PARD3B: variants seen among roughly 807,000 people sequenced by gnomAD.
PARD3B encodes the protein par-3 family cell polarity regulator beta, also known as partitioning defective 3 homolog B.
Under a neutral mutation model 130.2 loss-of-function variants are expected in PARD3B, and 103 were observed. The observed-to-expected ratio is 0.79, with a 90% CI of 0.67 to 0.93. PARD3B has a LOEUF of 0.93. PARD3B is among the 40% of genes least tolerant of loss of function. PARD3B has a pLI of 0.00. For synonymous variants in PARD3B, 583 were observed against 553.2 expected (o/e 1.05, Z -0.76); for missense variants, 1,609 against 1,499.2 (o/e 1.07, Z -1.21).
In PARD3B at chr2:204,894,355, A is replaced by G. The variant is rs547231283; in HGVS notation, c.223-70797A>G. 9.9e-5 allele frequency among the ~76,000 whole-genome samples: 15 copies of G among 152,252 alleles called. No individual in the cohort carries two copies. The East Asian group carries it at 2.7e-3, about 27-fold the overall frequency. On this transcript the variant is annotated intron_variant, in intron 2 of 22. Coordinates refer to ENST00000406610, the MANE Select transcript of PARD3B (RefSeq NM_001302769.2). ...GAGGTGAGGAAAAAACAGAAAAAGG[A>G]CTATAAACCAGGGCTGGAATATGTT... is the stretch of plus-strand genomic sequence containing the variant.
chr2:204,584,274 C>T (rs1341457043), intron 1 of PARD3B, among the ~76,000 whole-genome samples: 1 of 152,102 alleles, frequency 6.6e-6, no homozygotes, highest in Non-Finnish European at 1.5e-5. Context: ...TATGGTATGA[C>T]TTGACAGTCT....
intron 1 of PARD3B, among the ~76,000 whole-genome samples, chr2:204,587,281 C>G (rs1301312649): frequency 6.6e-6 from 1 of 152,128 alleles, no homozygotes; most frequent in Non-Finnish European, 1.5e-5. Context: ...AGATAAAGAA[C>G]TATTTTATGG....
chr2:205,401,237 G>A (rs758912522), intron 19 of PARD3B, 114 bp downstream of exon 19: 49 of 755,230 alleles, frequency 6.5e-5, no homozygotes, highest in Admixed American at 1.6e-4. Context: ...GGGGTTGACC[G>A]ATCTGAAAGG....
chr2:204,733,765 G>A (rs60899945), intron 2 of PARD3B, among the ~76,000 whole-genome samples: 2,090 of 152,036 alleles, frequency 0.014, 50 homozygotes, highest in African/African-American at 0.048. Flanking sequence ...TGGCAAAGAT[G>A]TCTAGATAAT....
At chr2:205,596,631 T>C (rs560814696) in intron 22 of PARD3B, among the ~76,000 whole-genome samples, 1 of 152,310 alleles carries the variant, frequency 6.6e-6, no homozygotes, top group African/African-American at 2.4e-5. Context: ...TTCCATTTAT[T>C]ATCTGGTGGA....
At chr2:205,217,023 CAA>C (rs11294783) in intron 15 of PARD3B, among the ~76,000 whole-genome samples, 7 of 148,604 alleles carry the variant, frequency 4.7e-5, no homozygotes, top group East Asian at 2.0e-4. Flanking sequence ...ATGTTTCAGG[CAA>C]AAAAAAAAAG....
Position 205,021,077 on chromosome 2 carries a change from G to A in PARD3B, c.395-26504G>A, listed in dbSNP as rs78514379. Among the ~76,000 whole-genome samples the A allele has an allele frequency of 0.046, 7,049 of 152,126 alleles. 217 individuals carry two copies. Among genetic ancestry groups the A allele is most frequent in the Middle Eastern group, 0.13 (39 of 292 alleles). On this transcript the variant is annotated intron_variant, in intron 3 of 22. Coordinates refer to ENST00000406610, the MANE Select transcript of PARD3B (RefSeq NM_001302769.2). This position sits in a 1 kb window ranked among gnomAD's most constrained non-coding sequence, Gnocchi z 4.5. ...TCAGAGAAAGGTGATGGGAGATGGT[G>A]GGCAGAGAAAGCACCAGTTCCTATG...
chr2:205,318,972 C>A (rs1241808227), intron 18 of PARD3B, among the ~76,000 whole-genome samples: 1 of 152,152 alleles, frequency 6.6e-6, no homozygotes, highest in Non-Finnish European at 1.5e-5. Flanking sequence ...CCACATCTTA[C>A]CATTTTTGTG....
At chr2:205,124,979 G>T (rs1280669775) in intron 9 of PARD3B, among the ~76,000 whole-genome samples, 1 of 152,096 alleles carries the variant, frequency 6.6e-6, no homozygotes, top group Non-Finnish European at 1.5e-5. Context: ...GTGGCTGTTT[G>T]TTTTCATTTA....
At chr2:205,410,310 G>T (rs953343066) in intron 19 of PARD3B, among the ~76,000 whole-genome samples, 3 of 152,088 alleles carry the variant, frequency 2.0e-5, no homozygotes, top group Admixed American at 2.0e-4. Flanking sequence ...ATACAGCAGT[G>T]GCAGAATTTG....
intron 2 of PARD3B, among the ~76,000 whole-genome samples, chr2:204,872,232 T>C (rs1342723889): frequency 6.6e-6 from 1 of 152,012 alleles, no homozygotes; most frequent in African/African-American, 2.4e-5. Context: ...TCTGCCAAAT[T>C]TTATACATAC....
chr2:204,955,039 A>G (rs1487890199), intron 2 of PARD3B, among the ~76,000 whole-genome samples: 1 of 152,202 alleles, frequency 6.6e-6, no homozygotes, highest in Non-Finnish European at 1.5e-5. Flanking sequence ...ATACTTGTCA[A>G]AATAAATGAA....
At chr2:204,866,555 GA>G (rs1239211131) in intron 2 of PARD3B, among the ~76,000 whole-genome samples, 5 of 151,812 alleles carry the variant, frequency 3.3e-5, no homozygotes, top group African/African-American at 1.2e-4. Context: ...CCCTGTTCTG[GA>G]TTCTGGAGTT....
intron 18 of PARD3B, among the ~76,000 whole-genome samples, chr2:205,334,381 T>TTAGC (rs2043237714): frequency 1.3e-5 from 2 of 152,200 alleles, no homozygotes; most frequent in Admixed American, 6.5e-5. Context: ...CCCCAAAATG[T>TTAGC]TAGCACGTGG....
At chr2:205,464,402 G>A (rs2048554654) in intron 20 of PARD3B, among the ~76,000 whole-genome samples, 1 of 152,130 alleles carries the variant, frequency 6.6e-6, no homozygotes, top group East Asian at 1.9e-4. Context: ...TCGTAGACTG[G>A]GTATTAATGT....
chr2:205,145,603 C>T (rs2125682645), intron 10 of PARD3B, among the ~76,000 whole-genome samples: 1 of 152,250 alleles, frequency 6.6e-6, no homozygotes, highest in Admixed American at 6.5e-5. Flanking sequence ...TTGCTGGTGA[C>T]CTACAAGGTA....
chr2:204,756,273 A>C (rs1028411782), intron 2 of PARD3B, among the ~76,000 whole-genome samples: 1 of 152,086 alleles, frequency 6.6e-6, no homozygotes, highest in African/African-American at 2.4e-5. Context: ...TGGCATGATC[A>C]GTTGGTGTTT....
intron 2 of PARD3B, among the ~76,000 whole-genome samples, chr2:204,916,138 G>T (rs558625372): frequency 1.3e-5 from 2 of 152,178 alleles, no homozygotes; most frequent in Non-Finnish European, 2.9e-5. Flanking sequence ...CAGGAAAGAC[G>T]GTTGGCTGTT....
Position 205,121,942 on chromosome 2 carries a change from A to G in PARD3B, c.1158A>G (p.Leu386=). 1 of 1,598,756 alleles carries G rather than the reference A, an allele frequency of 6.3e-7. No homozygotes were observed. The highest frequency in any genetic ancestry group is 8.5e-7 in the Non-Finnish European group (1 of 1,170,066). The change falls in exon 8 of 23, where the codon CTA becomes CTG. Residue 386 remains leucine, a synonymous_variant. Transcript: ENST00000406610. The surrounding 1 kb of genome is among the most constrained non-coding windows in gnomAD (Gnocchi z 5.0). ...ATGCAAAGAAAATTAAGATTGACCTAAAGAAAGGTAATTATTAAATTATGC... is the reference window on the plus strand; with the variant it reads ...ATGCAAAGAAAATTAAGATTGACCTGAAGAAAGGTAATTATTAAATTATGC... The part of the protein sequence containing the change: ...NKNAKKIKID[L]KKGPEGLGFT...
Sources: allele counts gnomAD v4.1 joint callset (sites outside exome capture counted in the v4.1 genomes callset), GRCh38; gene constraint gnomAD v4.1.1; non-coding constraint Gnocchi (gnomAD v3.1); transcripts MANE v1.5; gene names NCBI Gene and HGNC (gene_info 2026-07-23, HGNC 2026-07-21).